SH3BGRL2: variants seen among roughly 807,000 people sequenced by gnomAD.
The protein encoded by SH3BGRL2 is SH3 domain binding glutamate rich protein like 2, also known as SH3 domain-binding glutamic acid-rich-like protein 2.
In SH3BGRL2, 21 loss-of-function variants were observed where a neutral mutation model predicts 14.8. The ratio of observed to expected loss-of-function variants is 1.42; its 90% CI spans 1.01 to 2.05. The LOEUF is 2.05. Among genes scored for constraint, SH3BGRL2 ranks in the 30% most tolerant of loss-of-function variants. SH3BGRL2 has a pLI of 0.00. For synonymous variants in SH3BGRL2, 50 were observed against 47.8 expected (o/e 1.05, Z -0.19); for missense variants, 147 against 130.8 (o/e 1.12, Z -0.61).
rs765457032 is a variant in SH3BGRL2 at position 79,673,626 on chromosome 6, C to A, written c.58C>A (p.Gln20Lys). The A allele has an allele frequency of 6.2e-7, 1 of 1,613,576 alleles. No individual in the cohort carries two copies. The change falls in exon 2 of 4, where the codon CAG becomes AAG. Residue 20 changes from glutamine to lysine, a missense_variant. By Grantham distance (53) the Gln-to-Lys change is moderately conservative. Transcript: ENST00000369838. ...SSGFVAIKKK[Q>K]QDVVRFLEAN... ...CTTCTCTCTTTAGATAAAGAAGAAG[C>A]AGCAAGATGTGGTTAGATTTCTGGA... is the stretch of plus-strand genomic sequence containing the variant.
At chr6:79,585,849 C>T in the SH3BGRL2 span, among the ~76,000 whole-genome samples, 1 of 151,778 alleles carries the variant, frequency 6.6e-6, no homozygotes, top group African/African-American at 2.4e-5. Context: ...CTACATGTGG[C>T]CCAGGACAGC....
chr6:79,671,401 A>G (rs1274220360), intron 1 of SH3BGRL2, among the ~76,000 whole-genome samples: 1 of 152,188 alleles, frequency 6.6e-6, no homozygotes, highest in Admixed American at 6.5e-5. Flanking sequence ...GTGAGCCAAG[A>G]TCACACCTTT....
the SH3BGRL2 span, among the ~76,000 whole-genome samples, chr6:79,554,701 G>T: frequency 2.0e-5 from 3 of 152,108 alleles, no homozygotes; most frequent in Non-Finnish European, 4.4e-5. Flanking sequence ...TGAAGTCAGG[G>T]GTCAGAGACC....
At position 79,703,573 on chromosome 6, in the gene SH3BGRL2, GT is replaced by G. The variant is rs546149379; in HGVS notation, c.*4065del. 6.6e-6 allele frequency: 1 copy of G among 152,068 alleles called. No individual in the cohort carries two copies. The highest frequency in any genetic ancestry group is 2.1e-4 in the South Asian group (1 of 4,812). The allele number at this position is 152,068 out of a possible 1,614,324, so 9.4% of individuals were successfully genotyped here. On this transcript the variant is annotated 3_prime_UTR_variant, in exon 4 of 4. Coordinates refer to ENST00000369838, the MANE Select transcript of SH3BGRL2 (RefSeq NM_031469.4). The stretch of plus-strand genomic sequence containing the variant: ...AGAGGGAACCCCTGTACTGAACTTT[GT>G]GTTGACCATAGCCTTCTTGTCTTTC...
the SH3BGRL2 span, among the ~76,000 whole-genome samples, chr6:79,611,601 G>A: frequency 0.21 from 31,887 of 151,850 alleles, 3,547 homozygotes; most frequent in African/African-American, 0.23. Flanking sequence ...TAGTAGAGGC[G>A]GGGTTTCGCC....
chr6:79,568,398 A>G, the SH3BGRL2 span, among the ~76,000 whole-genome samples: 2 of 152,340 alleles, frequency 1.3e-5, no homozygotes, highest in East Asian at 3.9e-4. Context: ...ATAGCAGTGA[A>G]AATGAATAGA....
At chr6:79,631,534 T>C in intron 1 of SH3BGRL2, 28 bp downstream of exon 1, 2 of 1,415,506 alleles carry the variant, frequency 1.4e-6, no homozygotes, top group Non-Finnish European at 1.9e-6. Context: ...GGGCAGTAGG[T>C]TGGGGTCGCG....
chr6:79,608,202 C>G, the SH3BGRL2 span, among the ~76,000 whole-genome samples: 8 of 152,188 alleles, frequency 5.3e-5, no homozygotes, highest in African/African-American at 1.9e-4. Flanking sequence ...ATCACCTCCT[C>G]TAACACTGAG....
the SH3BGRL2 span, among the ~76,000 whole-genome samples, chr6:79,558,350 A>C: frequency 6.6e-6 from 1 of 152,184 alleles, no homozygotes; most frequent in African/African-American, 2.4e-5. Context: ...TGTTGTATAC[A>C]TTGGATAGCA....
chr6:79,672,920 C>T (rs896888726), intron 1 of SH3BGRL2, among the ~76,000 whole-genome samples: 8 of 152,138 alleles, frequency 5.3e-5, no homozygotes, highest in Non-Finnish European at 8.8e-5. Flanking sequence ...TTACTCTCAC[C>T]TTAGAAGTGG....
chr6:79,641,895 G>T (rs961205771), intron 1 of SH3BGRL2, among the ~76,000 whole-genome samples: 1 of 152,098 alleles, frequency 6.6e-6, no homozygotes. Flanking sequence ...AAGTGTAAAG[G>T]GTTTTCCACT....
the SH3BGRL2 span, among the ~76,000 whole-genome samples, chr6:79,583,444 A>G: frequency 3.9e-5 from 6 of 152,184 alleles, no homozygotes; most frequent in Non-Finnish European, 8.8e-5. Context: ...ATGGAATACT[A>G]TGCAGCCATA....
intron 1 of SH3BGRL2, among the ~76,000 whole-genome samples, chr6:79,665,210 A>C (rs994891950): frequency 5.3e-5 from 8 of 152,188 alleles, no homozygotes; most frequent in African/African-American, 1.9e-4. Flanking sequence ...TAAATAAATA[A>C]AAAAATAAAA....
chr6:79,547,233 A>T, the SH3BGRL2 span, among the ~76,000 whole-genome samples: 1 of 150,684 alleles, frequency 6.6e-6, no homozygotes, highest in Non-Finnish European at 1.5e-5. Context: ...GGCAAGGACC[A>T]CTGAGGTTTT....
chr6:79,599,683 G>A, the SH3BGRL2 span, among the ~76,000 whole-genome samples: 1 of 152,170 alleles, frequency 6.6e-6, no homozygotes, highest in Non-Finnish European at 1.5e-5. Flanking sequence ...GCTGTGGAAC[G>A]GATTCAATTG....
chr6:79,626,639 G>A (rs2127720190), upstream of SH3BGRL2, among the ~76,000 whole-genome samples: 1 of 152,308 alleles, frequency 6.6e-6, no homozygotes, highest in South Asian at 2.1e-4. Context: ...AGAGAAACCT[G>A]GATGCCCATA....
At chr6:79,657,646 C>T (rs753351133) in intron 1 of SH3BGRL2, among the ~76,000 whole-genome samples, 3 of 151,024 alleles carry the variant, frequency 2.0e-5, no homozygotes, top group African/African-American at 4.9e-5. Flanking sequence ...GGCGGAGTTT[C>T]GCTCTTGTTG....
chr6:79,544,250 A>C, the SH3BGRL2 span, among the ~76,000 whole-genome samples: 1 of 152,220 alleles, frequency 6.6e-6, no homozygotes. Flanking sequence ...ACAGGCTTAC[A>C]TCTAGAGCAA....
At chr6:79,633,193 A>G (rs1397189480) in intron 1 of SH3BGRL2, among the ~76,000 whole-genome samples, 1 of 152,218 alleles carries the variant, frequency 6.6e-6, no homozygotes, top group Non-Finnish European at 1.5e-5. Context: ...GCTAAAATTA[A>G]GAGACTTAAG....
Sources: allele counts gnomAD v4.1 joint callset (sites outside exome capture counted in the v4.1 genomes callset), GRCh38; gene constraint gnomAD v4.1.1; transcripts MANE v1.5; gene names NCBI Gene and HGNC (gene_info 2026-07-23, HGNC 2026-07-21).